COL9A2: variants seen among roughly 807,000 people sequenced by gnomAD.
COL9A2 encodes collagen alpha-2(IX) chain.
Under a neutral mutation model 111.6 loss-of-function variants are expected in COL9A2, and 66 were observed. The observed-to-expected ratio is 0.59, with a 90% CI of 0.48 to 0.73. The LOEUF (loss-of-function observed/expected upper bound fraction) is 0.73, where lower values mean the gene tolerates loss of function less well. Ranked by LOEUF, COL9A2 falls within the 30% of genes least tolerant of loss-of-function variation. The pLI is 0.00. For missense variants in COL9A2, 881 were observed against 954.1 expected (o/e 0.92, Z 1.01); for synonymous variants, 353 against 364.1 (o/e 0.97, Z 0.35).
At position 40,310,755 on chromosome 1, in the gene COL9A2, C is replaced by A; in HGVS notation, c.643G>T (p.Asp215Tyr). 6.4e-7 allele frequency: 1 copy of A among 1,563,146 alleles called. No homozygotes were observed. Residue 215 changes from aspartate (D) to tyrosine (Y), a missense_variant, in exon 13 of 32, where the codon GAT becomes TAT. By Grantham distance (160) the Asp-to-Tyr change is radical (BLOSUM62 -3). Coordinates refer to ENST00000372748, the MANE Select transcript of COL9A2 (RefSeq NM_001852.4). The surrounding 1 kb of genome is among the most constrained non-coding windows in gnomAD (Gnocchi z 4.9). ...GHQGKPGPKG[D>Y]VGASGEQGIP... Reference sequence around the variant, plus strand: ...CCTTGCTCTCCAGAGGCACCCACATCTCCCTTGGGACCCTAAAGGGCAGGG... The same window carrying A: ...CCTTGCTCTCCAGAGGCACCCACATATCCCTTGGGACCCTAAAGGGCAGGG...
rs1277897333 is a variant in COL9A2 at position 40,310,449 on chromosome 1, A to G, written c.685-132T>C. ...AGAGTCTCTGTCTCATGGATGGGAC[A>G]TGGAGGTTCAGAGATGAGGAGGGAC... is the stretch of plus-strand genomic sequence containing the variant. On this transcript the variant is annotated intron_variant, in intron 13 of 31. Coordinates refer to ENST00000372748, the MANE Select transcript of COL9A2 (RefSeq NM_001852.4). This position sits in a 1 kb window ranked among gnomAD's most constrained non-coding sequence, Gnocchi z 4.9. 1.0e-6 allele frequency: 1 copy of G among 969,848 alleles called. No individual in the cohort carries two copies. 60.1% of individuals were successfully genotyped at this position (969,848 alleles called of 1,614,324 possible). A position where few individuals can be genotyped will look rare whatever the true frequency, so the allele number is the denominator to read the frequency against.
rs1381090165 is a variant in COL9A2 at position 40,303,550 on chromosome 1, G to A, written c.1528C>T (p.Pro510Ser). Reference sequence around the variant, plus strand: ...CTCACCTCCACGCCCTGTCTCCCGGGCTGTCCTGGCACGCCTCGGTTCCCG... The same window carrying A: ...CTCACCTCCACGCCCTGTCTCCCGGACTGTCCTGGCACGCCTCGGTTCCCG... The part of the protein sequence containing the change: ...LAGNRGVPGQ[P>S]GRQGVEGRDA... Residue 510 changes from proline to serine, a missense_variant, in exon 28 of 32, where the codon CCC (proline) becomes TCC (serine). By Grantham distance (74) the Pro-to-Ser change is moderately conservative (BLOSUM62 -1). Transcript: ENST00000372748. This position sits in a 1 kb window ranked among gnomAD's most constrained non-coding sequence, Gnocchi z 4.6. 6.2e-6 allele frequency: 10 copies of A among 1,611,930 alleles called. No homozygotes were observed. Among genetic ancestry groups the A allele is most frequent in the Non-Finnish European group, 7.6e-6 (9 of 1,179,600 alleles).
intron 16 of COL9A2, among the ~76,000 whole-genome samples, chr1:40,308,560 G>T (rs772568310): frequency 3.9e-5 from 6 of 152,246 alleles, no homozygotes; most frequent in Admixed American, 3.9e-4. Context: ...CGAATGCAGT[G>T]TGTGGATGCT....
At position 40,311,719 on chromosome 1, in the gene COL9A2, G is replaced by C; in HGVS notation, c.418-4C>G. ...GTCCATCTGGTCCAGGGTCCCCCTG[G>C]AAGCAAAAGAAGCCCAAATCATACC... On this transcript the variant is annotated splice_polypyrimidine_tract_variant and splice_region_variant and intron_variant, in intron 8 of 31. Transcript: ENST00000372748. This position sits in a 1 kb window ranked among gnomAD's most constrained non-coding sequence, Gnocchi z 5.1. 2 of 1,613,788 alleles carry C rather than the reference G, an allele frequency of 1.2e-6. No individual in the cohort carries two copies. Among genetic ancestry groups the C allele is most frequent in the Non-Finnish European group, 1.7e-6 (2 of 1,179,978 alleles).
chr1:40,301,408 T>C, intron 31 of COL9A2, 27 bp from the exon 32 acceptor site: 2 of 1,585,448 alleles, frequency 1.3e-6, no homozygotes, highest in South Asian at 1.1e-5. Flanking sequence ...GTCAAGACAT[T>C]AGGGGCACCT....
chr1:40,312,538 C>T lies in COL9A2; in HGVS notation c.339+36G>A. Reference sequence around the variant, plus strand: ...CTCCCTCTGCAGGTCCCCTCTCCCCCAAGAGTCCCTCGAAGCCCTTGCAGG... The same window carrying T: ...CTCCCTCTGCAGGTCCCCTCTCCCCTAAGAGTCCCTCGAAGCCCTTGCAGG... On this transcript the variant is annotated intron_variant, in intron 6 of 31. Transcript: ENST00000372748. This position sits in a 1 kb window ranked among gnomAD's most constrained non-coding sequence, Gnocchi z 6.0. 1 of 1,614,018 alleles carries T rather than the reference C, an allele frequency of 6.2e-7. No homozygotes were observed. The highest frequency in any genetic ancestry group is 8.5e-7 in the Non-Finnish European group (1 of 1,179,978).
rs1383764645 is a variant in COL9A2 at position 40,311,344 on chromosome 1, C to G, written c.520-58G>C. 8 of 1,594,628 alleles carry G rather than the reference C, an allele frequency of 5.0e-6. No homozygotes were observed. The highest frequency in any genetic ancestry group is 6.8e-6 in the Non-Finnish European group (8 of 1,168,996). On this transcript the variant is annotated intron_variant, in intron 10 of 31. Transcript: ENST00000372748. The surrounding 1 kb of genome is among the most constrained non-coding windows in gnomAD (Gnocchi z 5.1). The stretch of plus-strand genomic sequence containing the variant: ...TCAGCTGGGCAGTGCGCCCCCATCT[C>G]TCCAAGCCCCGTGCTCTCCTCCGCC...
In COL9A2 at chr1:40,308,301, G is replaced by A. The variant is rs1360634054; in HGVS notation, c.847-56C>T. ...CAGGATGTTGGGCCCCTGTCTGGCTGTGCAGAGAGGGGAACCACTGAGAAC... is the reference window on the plus strand; with the variant it reads ...CAGGATGTTGGGCCCCTGTCTGGCTATGCAGAGAGGGGAACCACTGAGAAC... On this transcript the variant is annotated intron_variant, in intron 16 of 31. Coordinates refer to ENST00000372748, the MANE Select transcript of COL9A2 (RefSeq NM_001852.4). 5 of 1,552,372 alleles carry A rather than the reference G, an allele frequency of 3.2e-6. No homozygotes were observed. The East Asian group carries it at 1.2e-4, about 36-fold the overall frequency.
chr1:40,305,015 A>G (rs1644001815), intron 21 of COL9A2, 168 bp from the exon 22 acceptor site: 2 of 548,550 alleles, frequency 3.6e-6, no homozygotes, highest in Non-Finnish European at 6.5e-6. Context: ...CTTTCAAAGG[A>G]CCCAACACAA....
chr1:40,300,996 C>T lies in COL9A2; in HGVS notation c.*186G>A. ...GCCCTGTGTGTTGGCCTCACTTTTT[C>T]ACCCATCAGTGCTCTACCTCCCCTT... On this transcript the variant is annotated 3_prime_UTR_variant, in exon 32 of 32. Coordinates refer to ENST00000372748, the MANE Select transcript of COL9A2 (RefSeq NM_001852.4). This position sits in a 1 kb window ranked among gnomAD's most constrained non-coding sequence, Gnocchi z 4.4. 1.6e-6 allele frequency: 1 copy of T among 630,404 alleles called. No homozygotes were observed. The highest frequency in any genetic ancestry group is 2.8e-6 in the Non-Finnish European group (1 of 362,410). 39.1% of individuals were successfully genotyped at this position (630,404 alleles called of 1,614,324 possible).
rs1644021691 is a variant in COL9A2, at chr1:40,305,853, C to G, written c.1054-85G>C. 4 of 1,238,734 alleles carry G rather than the reference C, an allele frequency of 3.2e-6. No homozygotes were observed. The East Asian group carries it at 9.3e-5, about 29-fold the overall frequency. The allele number at this position is 1,238,734 out of a possible 1,614,324, so 76.7% of individuals were successfully genotyped here. The stretch of plus-strand genomic sequence containing the variant: ...GAAACCCAACGAAGCCTAAACAGAG[C>G]CTGGAACCAGATGAGCTGGGACGGG... On this transcript the variant is annotated intron_variant, in intron 20 of 31. Coordinates refer to ENST00000372748, the MANE Select transcript of COL9A2 (RefSeq NM_001852.4).
rs905189589 is a variant in COL9A2, at chr1:40,312,985, T to A, written c.250-201A>T. On this transcript the variant is annotated intron_variant, in intron 4 of 31. Coordinates refer to ENST00000372748, the MANE Select transcript of COL9A2 (RefSeq NM_001852.4). The surrounding 1 kb of genome is among the most constrained non-coding windows in gnomAD (Gnocchi z 6.0). The stretch of plus-strand genomic sequence containing the variant: ...TAGGAGGCAGGCAGAACAATTCCCT[T>A]CTTTTGAAAGATGAGAAACCAAAGC... Among the ~76,000 whole-genome samples the A allele has an allele frequency of 6.6e-6, 1 of 152,048 alleles. No homozygotes were observed. The highest frequency in any genetic ancestry group is 1.5e-5 in the Non-Finnish European group (1 of 68,006).
rs1643933277 is a variant in COL9A2 at position 40,302,712 on chromosome 1, T to C, written c.1701A>G (p.Pro567=). ...PPGPPGPPGY[P]GKQGPHGHPG... Reference sequence around the variant, plus strand: ...GGTGCCCATGGGGGCCCTGCTTGCCTGGGTACCCAGGGGGCCCAGGAGGTC... The same window carrying C: ...GGTGCCCATGGGGGCCCTGCTTGCCCGGGTACCCAGGGGGCCCAGGAGGTC... The change falls in exon 30 of 32, where the codon CCA becomes CCG. Residue 567 remains proline (P), a synonymous_variant. Coordinates refer to ENST00000372748, the MANE Select transcript of COL9A2 (RefSeq NM_001852.4). This position sits in a 1 kb window ranked among gnomAD's most constrained non-coding sequence, Gnocchi z 4.5. 2 of 1,575,760 alleles carry C rather than the reference T, an allele frequency of 1.3e-6. No individual in the cohort carries two copies. The highest frequency in any genetic ancestry group is 1.7e-6 in the Non-Finnish European group (2 of 1,161,806).
At chr1:40,305,064 T>A in intron 21 of COL9A2, 3 of 251,512 alleles carry the variant, frequency 1.2e-5, no homozygotes, top group East Asian at 7.1e-5. Context: ...TTTCTTTCTT[T>A]TTTTTTTTTT....
At chr1:40,304,982 T>C in intron 21 of COL9A2, 135 bp from the exon 22 acceptor site, 2 of 657,312 alleles carry the variant, frequency 3.0e-6, no homozygotes, top group Admixed American at 2.8e-5. Context: ...ACCTGTTCCA[T>C]GGTTTTGGGT....
In COL9A2 at chr1:40,311,413, C is replaced by T; in HGVS notation, c.519+87G>A. 1 of 1,585,378 alleles carries T rather than the reference C, an allele frequency of 6.3e-7. No individual in the cohort carries two copies. The highest frequency in any genetic ancestry group is 2.3e-5 in the East Asian group (1 of 44,120). On this transcript the variant is annotated intron_variant, in intron 10 of 31. Coordinates refer to ENST00000372748, the MANE Select transcript of COL9A2 (RefSeq NM_001852.4). This position sits in a 1 kb window ranked among gnomAD's most constrained non-coding sequence, Gnocchi z 5.1. ...GCACTGCAGCCCCTCCCCATCTCTC[C>T]AGACACCCCCATCTCCGTGGCCCCG...
In COL9A2 at chr1:40,311,417, C is replaced by T; in HGVS notation, c.519+83G>A. On this transcript the variant is annotated intron_variant, in intron 10 of 31. Coordinates refer to ENST00000372748, the MANE Select transcript of COL9A2 (RefSeq NM_001852.4). The surrounding 1 kb of genome is among the most constrained non-coding windows in gnomAD (Gnocchi z 5.1). ...TGCAGCCCCTCCCCATCTCTCCAGA[C>T]ACCCCCATCTCCGTGGCCCCGCCTC... is the stretch of plus-strand genomic sequence containing the variant. 6.3e-7 allele frequency: 1 copy of T among 1,585,048 alleles called. No individual in the cohort carries two copies. Among genetic ancestry groups the T allele is most frequent in the Non-Finnish European group, 8.6e-7 (1 of 1,160,948 alleles).
At position 40,310,968 on chromosome 1, in the gene COL9A2, GC is replaced by G; in HGVS notation, c.630+124del. On this transcript the variant is annotated intron_variant, in intron 12 of 31. Transcript: ENST00000372748. This position sits in a 1 kb window ranked among gnomAD's most constrained non-coding sequence, Gnocchi z 4.9. ...TGCCGACCTGGAGCACAGGCCTCCA[GC>G]CCCCGGCTCAAGGCTCTGTCCCCAG... The G allele has an allele frequency of 7.4e-7, 1 of 1,347,128 alleles. No individual in the cohort carries two copies. Among genetic ancestry groups the G allele is most frequent in the Non-Finnish European group, 1.1e-6 (1 of 943,964 alleles). The allele number at this position is 1,347,128 out of a possible 1,614,324, so 83.4% of individuals were successfully genotyped here.
chr1:40,301,859 TCTC>T lies in COL9A2; in HGVS notation c.1820_1822del (p.Gly607del). On this transcript the variant is annotated inframe_deletion, in exon 31 of 32. Coordinates refer to ENST00000372748, the MANE Select transcript of COL9A2 (RefSeq NM_001852.4). ...CATCCCGGGGTGCCCCCGTCCCACT[TCTC>T]CTGGATCACCCTTCTCTCCACGTTT... The T allele has an allele frequency of 1.2e-6, 2 of 1,614,094 alleles. No individual in the cohort carries two copies. Among genetic ancestry groups the T allele is most frequent in the Non-Finnish European group, 1.7e-6 (2 of 1,179,998 alleles).
Sources: gnomAD v4.1 joint callset for allele counts (sites outside exome capture counted in the v4.1 genomes callset) on GRCh38, gnomAD v4.1.1 for gene constraint, Gnocchi (gnomAD v3.1) non-coding constraint, MANE v1.5 for transcripts, NCBI Gene and HGNC (gene_info 2026-07-23, HGNC 2026-07-21) for gene names.